Variants in BCO2 observed in about 807,000 individuals in gnomAD.
BCO2 encodes beta-carotene oxygenase 2, also known as carotenoid-cleaving dioxygenase, mitochondrial.
BCO2 carries 56 observed loss-of-function variants against 65.8 expected under a neutral mutation model. That is an observed-to-expected ratio of 0.85 (90% CI 0.69 to 1.06). The LOEUF is 1.06. Among genes scored for constraint, BCO2 ranks in the 50% least tolerant of loss-of-function variants. The pLI, the probability that BCO2 is intolerant of heterozygous loss-of-function variation, is 0.00. For synonymous variants in BCO2, 233 were observed against 242.3 expected (o/e 0.96, Z 0.36); for missense variants, 675 against 698.5 (o/e 0.97, Z 0.38).
intron 5 of BCO2, among the ~76,000 whole-genome samples, chr11:112,195,752 A>G (rs1253462904): frequency 6.6e-6 from 1 of 152,172 alleles, no homozygotes; most frequent in Non-Finnish European, 1.5e-5. Context: ...TCTGAATTAC[A>G]TATTCTAAAA....
intron 2 of BCO2, 67 bp downstream of exon 2, chr11:112,179,549 A>C: frequency 7.5e-7 from 1 of 1,329,204 alleles, no homozygotes; most frequent in Non-Finnish European, 1.1e-6. Context: ...AATATGCATT[A>C]ATATCTGCTT....
chr11:112,183,579 AT>A (rs1310060546), intron 2 of BCO2, among the ~76,000 whole-genome samples: 1 of 152,230 alleles, frequency 6.6e-6, no homozygotes, highest in African/African-American at 2.4e-5. Flanking sequence ...AACATATGCA[AT>A]TATATTTATT....
intron 2 of BCO2, chr11:112,183,332 T>C (rs1278126573): frequency 5.0e-6 from 3 of 597,482 alleles, no homozygotes; most frequent in African/African-American, 1.9e-5. Context: ...ATGCTTGTTC[T>C]CAGCGGTGCA....
intron 11 of BCO2, 41 bp downstream of exon 11, chr11:112,216,371 C>T (rs760715890): frequency 1.4e-6 from 2 of 1,458,310 alleles, no homozygotes; most frequent in Admixed American, 1.7e-5. Flanking sequence ...AGAAAAGTAG[C>T]ACTGAGTCAT....
At chr11:112,187,202 T>C (rs902188107) in intron 2 of BCO2, among the ~76,000 whole-genome samples, 5 of 152,218 alleles carry the variant, frequency 3.3e-5, no homozygotes, top group Admixed American at 6.5e-5. Flanking sequence ...AAGGCTTATC[T>C]ACTGTCTCTT....
At chr11:112,204,563 C>T (rs533275449) in intron 8 of BCO2, among the ~76,000 whole-genome samples, 2 of 152,298 alleles carry the variant, frequency 1.3e-5, no homozygotes, top group East Asian at 3.9e-4. Flanking sequence ...TCTTCCTCCC[C>T]CTCAGACTAC....
chr11:112,214,439 G>A (rs746110454), intron 9 of BCO2, among the ~76,000 whole-genome samples: 3 of 151,956 alleles, frequency 2.0e-5, no homozygotes, highest in African/African-American at 4.8e-5. Context: ...TTGAGCCACC[G>A]CGTCCAGCTG....
chr11:112,194,538 G>A (rs896913033), intron 4 of BCO2, 115 bp from the exon 5 acceptor site: 16 of 660,074 alleles, frequency 2.4e-5, no homozygotes, highest in Non-Finnish European at 3.7e-5. Context: ...CAAGAAATTA[G>A]GGCTTACATT....
intron 10 of BCO2, chr11:112,215,601 T>C (rs1409528180): frequency 1.3e-5 from 2 of 153,014 alleles, no homozygotes; most frequent in African/African-American, 2.4e-5. Context: ...CCCAGCTAAT[T>C]GGGAGGCTGA....
At chr11:112,196,216 T>A (rs1411063464) in intron 5 of BCO2, among the ~76,000 whole-genome samples, 1 of 152,216 alleles carries the variant, frequency 6.6e-6, no homozygotes, top group Non-Finnish European at 1.5e-5. Flanking sequence ...GAAATTCATC[T>A]CTTTATCTTC....
chr11:112,196,872 C>T (rs1232343338), intron 5 of BCO2, among the ~76,000 whole-genome samples: 1 of 151,190 alleles, frequency 6.6e-6, no homozygotes, highest in African/African-American at 2.4e-5. Flanking sequence ...TCCTCCTCCT[C>T]CTTCTCTCTC....
intron 1 of BCO2, among the ~76,000 whole-genome samples, chr11:112,176,910 A>C (rs186460043): frequency 6.6e-6 from 1 of 152,326 alleles, no homozygotes; most frequent in Admixed American, 6.5e-5. Flanking sequence ...GAATAGGACA[A>C]TGTCTCAGAA....
chr11:112,212,758 A>G (rs532922231), intron 8 of BCO2, among the ~76,000 whole-genome samples: 20 of 152,350 alleles, frequency 1.3e-4, no homozygotes, highest in African/African-American at 4.6e-4. Context: ...TAAAACCCCT[A>G]CATGATGACC....
At position 112,217,974 on chromosome 11, in the gene BCO2, G is replaced by A. The variant is rs1367742470; in HGVS notation, c.*100G>A. 1.5e-5 allele frequency: 12 copies of A among 798,998 alleles called. No individual in the cohort carries two copies. Among genetic ancestry groups the A allele is most frequent in the Non-Finnish European group, 2.0e-5 (10 of 501,934 alleles). The allele number at this position is 798,998 out of a possible 1,614,324, so 49.5% of individuals were successfully genotyped here. The stretch of plus-strand genomic sequence containing the variant: ...ACTGAGGACTCCAAAAGGGGGGCAA[G>A]GAGGAAGAGGGGCAGGGGTTAAAAA... On this transcript the variant is annotated 3_prime_UTR_variant, in exon 12 of 12. Transcript: ENST00000357685.
At chr11:112,176,701 C>T (rs1866898617) in intron 1 of BCO2, among the ~76,000 whole-genome samples, 1 of 152,156 alleles carries the variant, frequency 6.6e-6, no homozygotes, top group African/African-American at 2.4e-5. Context: ...AGGGAATTAA[C>T]ATTTGGAAAG....
chr11:112,202,086 G>T lies in BCO2; in HGVS notation c.1090G>T (p.Asp364Tyr), dbSNP rs939507133. 4 of 1,613,672 alleles carry T rather than the reference G, an allele frequency of 2.5e-6. No homozygotes were observed. Among genetic ancestry groups the T allele is most frequent in the African/African-American group, 1.3e-5 (1 of 74,886 alleles). Residue 364 changes from aspartate (D) to tyrosine (Y), a missense_variant, in exon 8 of 12, where the codon GAC (aspartate) becomes TAC (tyrosine). Asp to Tyr is a radical substitution (Grantham distance 160). Coordinates refer to ENST00000357685, the MANE Select transcript of BCO2 (RefSeq NM_031938.7). ...ATTTCATCAAATCAATGCCTTTGAG[G>T]ACCAGGGCTGTGTTATAATTGATTT... ...VTFHQINAFE[D>Y]QGCVIIDLCC...
chr11:112,181,139 A>G (rs1867029249), intron 2 of BCO2: 24 of 1,382,228 alleles, frequency 1.7e-5, no homozygotes, highest in Middle Eastern at 2.5e-4. Context: ...GTTTAAGGAC[A>G]AAGGTGTCTG....
chr11:112,201,326 T>G (rs1867726476), intron 7 of BCO2, among the ~76,000 whole-genome samples: 1 of 152,064 alleles, frequency 6.6e-6, no homozygotes, highest in Admixed American at 6.6e-5. Context: ...TTTTTTCTAT[T>G]TTTAGTAGAG....
intron 2 of BCO2, chr11:112,182,946 A>C: frequency 5.9e-6 from 7 of 1,191,686 alleles, no homozygotes; most frequent in Non-Finnish European, 7.5e-6. Flanking sequence ...AGAAGGTGTT[A>C]ATCTGAAAGG....
Sources: allele counts gnomAD v4.1 joint callset (sites outside exome capture counted in the v4.1 genomes callset), GRCh38; gene constraint gnomAD v4.1.1; transcripts MANE v1.5; gene names NCBI Gene and HGNC (gene_info 2026-07-23, HGNC 2026-07-21).